The following FMNL2 variants were observed in gnomAD, a reference collection of about 807,000 sequenced individuals.
The protein encoded by FMNL2 is formin like 2, also known as formin-like protein 2.
FMNL2 carries 51 observed loss-of-function variants against 130.2 expected under a neutral mutation model. The ratio of observed to expected loss-of-function variants is 0.39; its 90% CI spans 0.31 to 0.49. The LOEUF is 0.49. Ranked by LOEUF, FMNL2 falls within the 20% of genes least tolerant of loss-of-function variation. FMNL2 has a pLI of 0.85. For synonymous variants in FMNL2, 465 were observed against 467.1 expected (o/e 1.00, Z 0.06); for missense variants, 977 against 1,316.2 (o/e 0.74, Z 3.99).
intron 1 of FMNL2, among the ~76,000 whole-genome samples, chr2:152,383,273 C>CTTTT (rs35206829): frequency 0.044 from 4,265 of 97,424 alleles, 131 homozygotes; most frequent in Admixed American, 0.085. Flanking sequence ...TCCGTTAATC[C>CTTTT]TTTTTTTTTT....
At chr2:152,532,414 A>T (rs1579897825) in intron 2 of FMNL2, among the ~76,000 whole-genome samples, 1 of 151,898 alleles carries the variant, frequency 6.6e-6, no homozygotes, top group Non-Finnish European at 1.5e-5. Context: ...AATCCAATCA[A>T]CCCTTGGTAT....
chr2:152,613,746 A>G (rs1177620840), intron 11 of FMNL2, among the ~76,000 whole-genome samples: 1 of 152,204 alleles, frequency 6.6e-6, no homozygotes, highest in Non-Finnish European at 1.5e-5. Flanking sequence ...CCAGCCTTGT[A>G]AGTAGCCATT....
Position 152,575,101 on chromosome 2 carries a change from T to A in FMNL2, c.597-35T>A, listed in dbSNP as rs201061768. The stretch of plus-strand genomic sequence containing the variant: ...ATGTGCCTATGCTAAGAAAGTAACC[T>A]GTTGTTTTATAGAAGTTTCTCTTTT... On this transcript the variant is annotated intron_variant, in intron 6 of 25. Transcript: ENST00000288670. 1.1e-5 allele frequency: 14 copies of A among 1,307,372 alleles called. No individual in the cohort carries two copies. In the East Asian group the frequency reaches 3.4e-4, roughly 31 times the overall value. The allele number at this position is 1,307,372 out of a possible 1,614,324, so 81.0% of individuals were successfully genotyped here.
At chr2:152,608,674 G>A (rs920244) in intron 10 of FMNL2, among the ~76,000 whole-genome samples, 118,610 of 151,820 alleles carry the variant, frequency 0.78, 46,741 homozygotes, top group East Asian at 0.99. Flanking sequence ...AGTTAAGGCT[G>A]ATGCTGGCCC....
chr2:152,378,045 G>C (rs544412005), intron 1 of FMNL2, among the ~76,000 whole-genome samples: 91 of 151,072 alleles, frequency 6.0e-4, no homozygotes, highest in African/African-American at 2.0e-3. Flanking sequence ...CCGGGAGGTG[G>C]AGGTTGCAGT....
intron 11 of FMNL2, among the ~76,000 whole-genome samples, 183 bp downstream of exon 11, chr2:152,611,788 G>A (rs910933885): frequency 2.0e-5 from 3 of 152,190 alleles, no homozygotes; most frequent in Non-Finnish European, 4.4e-5. Context: ...ATTCTTGCAG[G>A]GCTCCTGGGA....
chr2:152,347,991 C>T (rs547535292), intron 1 of FMNL2, among the ~76,000 whole-genome samples: 2 of 151,716 alleles, frequency 1.3e-5, no homozygotes, highest in South Asian at 2.1e-4. Context: ...GCTTTCTCTC[C>T]TTCGTATTTT....
intron 6 of FMNL2, among the ~76,000 whole-genome samples, chr2:152,574,258 A>G (rs1696340227): frequency 6.6e-6 from 1 of 152,160 alleles, no homozygotes; most frequent in Admixed American, 6.5e-5. Context: ...CAACATGGGG[A>G]AACTCCATCT....
At chr2:152,639,121 T>C (rs1277978791) in intron 23 of FMNL2, among the ~76,000 whole-genome samples, 1 of 152,154 alleles carries the variant, frequency 6.6e-6, no homozygotes, top group African/African-American at 2.4e-5. Flanking sequence ...AGGATGTTTT[T>C]CTTGCCCTAT....
intron 1 of FMNL2, among the ~76,000 whole-genome samples, chr2:152,336,841 C>G (rs1184372699): frequency 6.6e-6 from 1 of 152,234 alleles, no homozygotes; most frequent in Non-Finnish European, 1.5e-5. Context: ...AAGGGAAACT[C>G]GTGATCCGGG....
chr2:152,569,111 C>CT lies in FMNL2; in HGVS notation c.597-6011dup, dbSNP rs34246751. Among the ~76,000 whole-genome samples, 169 of 133,406 alleles carry CT rather than the reference C, an allele frequency of 1.3e-3. 1 individual carries two copies. In the East Asian group the frequency reaches 0.022, roughly 18 times the overall value. 87.5% of individuals were successfully genotyped at this position (133,406 alleles called of 152,430 possible). ...TTGTAGCTTCCCCCCCCGCCCCAAT[C>CT]TTTTTTTTTTTTTTGACTCCTTTGT... is the stretch of plus-strand genomic sequence containing the variant. On this transcript the variant is annotated intron_variant, in intron 6 of 25. Coordinates refer to ENST00000288670, the MANE Select transcript of FMNL2 (RefSeq NM_052905.4).
intron 9 of FMNL2, among the ~76,000 whole-genome samples, chr2:152,606,681 G>T: frequency 1.8e-5 from 2 of 112,838 alleles, no homozygotes; most frequent in Non-Finnish European, 1.7e-5. Flanking sequence ...TCATGTATAT[G>T]CAAATACCTT....
chr2:152,595,794 C>T (rs779929512), intron 9 of FMNL2, among the ~76,000 whole-genome samples: 40 of 152,002 alleles, frequency 2.6e-4, no homozygotes, highest in Non-Finnish European at 4.0e-4. Flanking sequence ...ATCTAACATT[C>T]ACCTGGCTTT....
intron 1 of FMNL2, among the ~76,000 whole-genome samples, chr2:152,429,511 T>A (rs574964179): frequency 6.6e-6 from 1 of 152,172 alleles, no homozygotes; most frequent in Admixed American, 6.5e-5. Context: ...AGTATTTCAA[T>A]GTGCCAGCTA....
rs141809746 is a variant in FMNL2, at chr2:152,643,630, C to T, written c.3169+2716C>T. 366 of 1,489,958 alleles carry T rather than the reference C, an allele frequency of 2.5e-4. 2 individuals carry two copies. The East Asian group carries it at 9.0e-3, about 37-fold the overall frequency. The allele number at this position is 1,489,958 out of a possible 1,614,324, so 92.3% of individuals were successfully genotyped here. On this transcript the variant is annotated intron_variant, in intron 25 of 25. Coordinates refer to ENST00000288670, the MANE Select transcript of FMNL2 (RefSeq NM_052905.4). ...CATGCTAGCATGGAATTGCCATCTC[C>T]ATCATGTTATATTTTGTGTTGTTCT...
In FMNL2 at chr2:152,575,224, C is replaced by T. The variant is rs201743391; in HGVS notation, c.685C>T (p.Arg229Cys). 3.8e-6 allele frequency: 6 copies of T among 1,598,220 alleles called. No individual in the cohort carries two copies. Among genetic ancestry groups the T allele is most frequent in the East Asian group, 4.5e-5 (2 of 44,606 alleles). ...TGTGCATGTCTGTATCATGTGTTTA[C>T]GTGCCATCATGAATTATCAGGTATG... ...DDVHVCIMCL[R>C]AIMNYQYGFN... The change falls in exon 7 of 26, where the codon CGT (arginine) becomes TGT (cysteine). Residue 229 changes from arginine to cysteine, a missense_variant. Coordinates refer to ENST00000288670, the MANE Select transcript of FMNL2 (RefSeq NM_052905.4).
chr2:152,646,613 T>G (rs1465969657), intron 25 of FMNL2, among the ~76,000 whole-genome samples: 1 of 152,008 alleles, frequency 6.6e-6, no homozygotes, highest in African/African-American at 2.4e-5. Context: ...GGAGCAAACA[T>G]TCTGTGGGTC....
intron 1 of FMNL2, among the ~76,000 whole-genome samples, chr2:152,508,658 T>C (rs957367313): frequency 1.3e-5 from 2 of 152,194 alleles, no homozygotes; most frequent in African/African-American, 4.8e-5. Flanking sequence ...TCCAAATCCT[T>C]GTAGCTCTTT....
rs77861708 is a variant in FMNL2 at position 152,385,479 on chromosome 2, T to A, written c.117+49759T>A. On this transcript the variant is annotated intron_variant, in intron 1 of 25. Transcript: ENST00000288670. ...TTTAGGAGGACCTTGCTGAGATCTA[T>A]GGTGGTGGTTTAAACTGTGCCGTGA... Among the ~76,000 whole-genome samples the A allele has an allele frequency of 8.4e-3, 1,273 of 152,322 alleles. 17 individuals carry two copies. Among genetic ancestry groups the A allele is most frequent in the African/African-American group, 0.029 (1,222 of 41,576 alleles).
Sources: gnomAD v4.1 joint callset for allele counts (sites outside exome capture counted in the v4.1 genomes callset) on GRCh38, gnomAD v4.1.1 for gene constraint, MANE v1.5 for transcripts, NCBI Gene and HGNC (gene_info 2026-07-23, HGNC 2026-07-21) for gene names.